RBM33: variants seen among roughly 807,000 people sequenced by gnomAD.
The protein encoded by RBM33 is RNA binding motif protein 33, also known as RNA-binding protein 33.
RBM33 carries 28 observed loss-of-function variants against 132.6 expected under a neutral mutation model. The observed-to-expected ratio is 0.21, with a 90% CI of 0.16 to 0.29. The LOEUF (loss-of-function observed/expected upper bound fraction) is 0.29, where lower values mean the gene tolerates loss of function less well. Ranked by LOEUF, RBM33 falls within the 10% of genes least tolerant of loss-of-function variation. The probability of loss-of-function intolerance (pLI) is 1.00; values close to 1 mark genes in which losing one functional copy is unlikely to be tolerated. For synonymous variants in RBM33, 634 were observed against 593.0 expected, an observed-to-expected ratio of 1.07 and a Z score of -1.01; for missense variants, 1,291 against 1,518.5, an observed-to-expected ratio of 0.85 and a Z score of 2.49.
At chr7:155,716,314 C>CTTTTTTTTTT (rs1563157893) in intron 8 of RBM33, among the ~76,000 whole-genome samples, 1 of 43,586 alleles carries the variant, frequency 2.3e-5, no homozygotes, top group African/African-American at 1.4e-4. Context: ...TCCTTTTCTG[C>CTTTTTTTTTT]TGTTTTTTTT....
In RBM33 at chr7:155,745,371, C is replaced by G; in HGVS notation, c.2748C>G (p.Thr916=). The G allele has an allele frequency of 6.2e-7, 1 of 1,613,192 alleles. No individual in the cohort carries two copies. Among genetic ancestry groups the G allele is most frequent in the Non-Finnish European group, 8.5e-7 (1 of 1,179,530 alleles). The change falls in exon 14 of 18, where the codon ACC becomes ACG. Residue 916 remains threonine, a synonymous_variant. Transcript: ENST00000401878. This position sits in a 1 kb window ranked among gnomAD's most constrained non-coding sequence, Gnocchi z 4.1. ...QMKALKHLRQ[T]RTVPQSQTQP... is the part of the protein sequence containing the mutation. ...AAGCACTGAAACATTTGAGACAGAC[C>G]AGAACAGTTCCTCAAAGTCAGACTC... is the stretch of plus-strand genomic sequence containing the variant.
chr7:155,702,102 CAG>C (rs1799982583), intron 6 of RBM33, among the ~76,000 whole-genome samples: 1 of 152,216 alleles, frequency 6.6e-6, no homozygotes, highest in African/African-American at 2.4e-5. Context: ...CAGGAGGACA[CAG>C]GGGCTCTGCC....
intron 8 of RBM33, among the ~76,000 whole-genome samples, chr7:155,712,925 G>T (rs1430559640): frequency 3.3e-5 from 5 of 152,234 alleles, no homozygotes; most frequent in Non-Finnish European, 5.9e-5. Context: ...TTGCTGCCGT[G>T]TTGAGAGGAG....
intron 2 of RBM33, among the ~76,000 whole-genome samples, chr7:155,670,018 CT>C (rs1286134959): frequency 6.6e-6 from 1 of 152,220 alleles, no homozygotes; most frequent in East Asian, 1.9e-4. Context: ...GACCCAGAGA[CT>C]ACAGCCCCAC....
intron 1 of RBM33, among the ~76,000 whole-genome samples, chr7:155,648,298 A>G (rs1798257662): frequency 6.6e-6 from 1 of 152,234 alleles, no homozygotes; most frequent in African/African-American, 2.4e-5. Context: ...GACTTTAGAT[A>G]CTAAACCAGT....
At chr7:155,680,339 G>A (rs566975764) in intron 4 of RBM33, among the ~76,000 whole-genome samples, 6 of 152,232 alleles carry the variant, frequency 3.9e-5, no homozygotes, top group Non-Finnish European at 7.4e-5. Context: ...TAAGTAGAGG[G>A]GCTATATGCA....
intron 5 of RBM33, among the ~76,000 whole-genome samples, chr7:155,696,514 C>T (rs1466879322): frequency 6.6e-6 from 1 of 152,116 alleles, no homozygotes; most frequent in African/African-American, 2.4e-5. Context: ...ATGTTTATTT[C>T]ATCATTAAGT....
intron 12 of RBM33, among the ~76,000 whole-genome samples, chr7:155,740,471 G>A (rs954022543): frequency 1.3e-5 from 2 of 152,194 alleles, no homozygotes; most frequent in Non-Finnish European, 2.9e-5. Flanking sequence ...TCTGTTGCCA[G>A]GTGCTACTCT....
rs11979122 is a variant in RBM33 at position 155,739,812 on chromosome 7, C to A, written c.1835C>A (p.Pro612Gln). 2 of 1,343,050 alleles carry A rather than the reference C, an allele frequency of 1.5e-6. No homozygotes were observed. Among genetic ancestry groups the A allele is most frequent in the Non-Finnish European group, 2.1e-6 (2 of 974,338 alleles). The allele number at this position is 1,343,050 out of a possible 1,614,324, so 83.2% of individuals were successfully genotyped here. Residue 612 changes from proline to glutamine, a missense_variant, in exon 12 of 18, where the codon CCG (proline) becomes CAG (glutamine). Coordinates refer to ENST00000401878, the MANE Select transcript of RBM33 (RefSeq NM_053043.3). ...CAGCACCAGCCTCCGCACCAGCCCCCGCACCAGCCCCCGCCCCAGCACCAG... is the reference window on the plus strand; with the variant it reads ...CAGCACCAGCCTCCGCACCAGCCCCAGCACCAGCCCCCGCCCCAGCACCAG... Reference protein sequence around the residue: ...PPQHQPPHQPPHQPPPQHQPP... With the variant: ...PPQHQPPHQPQHQPPPQHQPP...
rs576874504 is a variant in RBM33, at chr7:155,708,736, C to T, written c.948+1668C>T. On this transcript the variant is annotated intron_variant, in intron 7 of 17. Transcript: ENST00000401878. ...GACACAGCTTTGTAAGCAATAGTCTCGTCTTTGCTAATCAGTGATGAGATC... is the reference window on the plus strand; with the variant it reads ...GACACAGCTTTGTAAGCAATAGTCTTGTCTTTGCTAATCAGTGATGAGATC... Among the ~76,000 whole-genome samples, 6 of 152,238 alleles carry T rather than the reference C, an allele frequency of 3.9e-5. No individual in the cohort carries two copies. The East Asian group carries it at 5.8e-4, about 15-fold the overall frequency.
At position 155,749,170 on chromosome 7, in the gene RBM33, G is replaced by C. The variant is rs114908292; in HGVS notation, c.2979+3568G>C. On this transcript the variant is annotated intron_variant, in intron 14 of 17. Transcript: ENST00000401878. ...TGCAAGTGGGGTTAGTAAGTCTGCT[G>C]TGAGGCATCAGTAAATGAAAGCTTC... Among the ~76,000 whole-genome samples, 858 of 152,298 alleles carry C rather than the reference G, an allele frequency of 5.6e-3. 3 individuals are homozygous for C. The highest frequency in any genetic ancestry group is 0.019 in the African/African-American group (804 of 41,558).
chr7:155,672,799 C>A, intron 2 of RBM33, 68 bp from the exon 3 acceptor site: 1 of 1,108,856 alleles, frequency 9.0e-7, no homozygotes, highest in Non-Finnish European at 1.3e-6. Flanking sequence ...GGTAAATTTC[C>A]AAGTGATCTA....
chr7:155,685,029 C>T (rs1340879774), intron 5 of RBM33: 5 of 1,550,124 alleles, frequency 3.2e-6, no homozygotes, highest in African/African-American at 1.4e-5. Flanking sequence ...TACTGATGCC[C>T]AGGTTGCTCC....
chr7:155,656,588 G>GAA (rs570280584), intron 1 of RBM33, among the ~76,000 whole-genome samples: 1 of 148,242 alleles, frequency 6.7e-6, no homozygotes, highest in Non-Finnish European at 1.5e-5. Flanking sequence ...TCCATCTCAG[G>GAA]AAAAAAAAAA....
intron 5 of RBM33, among the ~76,000 whole-genome samples, chr7:155,683,868 A>T (rs1799401973): frequency 6.6e-6 from 1 of 152,190 alleles, no homozygotes; most frequent in African/African-American, 2.4e-5. Context: ...ATTTTATGTC[A>T]TGGGTAGCAG....
At position 155,781,322 on chromosome 7, in the gene RBM33, G is replaced by C. The variant is rs774356918; in HGVS notation, c.*6281G>C. ...TGTTCACTTCGCGTTAACTGCTGTGGTAACTTTTTCAGGATCTGTGTGAAG... is the reference window on the plus strand; with the variant it reads ...TGTTCACTTCGCGTTAACTGCTGTGCTAACTTTTTCAGGATCTGTGTGAAG... On this transcript the variant is annotated 3_prime_UTR_variant, in exon 18 of 18. Transcript: ENST00000401878. 1 of 152,260 alleles carries C rather than the reference G, an allele frequency of 6.6e-6. No homozygotes were observed. The highest frequency in any genetic ancestry group is 2.1e-4 in the South Asian group (1 of 4,834). The allele number at this position is 152,260 out of a possible 1,614,324, so 9.4% of individuals were successfully genotyped here.
chr7:155,772,853 G>T (rs1802475676), intron 16 of RBM33, among the ~76,000 whole-genome samples: 1 of 152,214 alleles, frequency 6.6e-6, no homozygotes, highest in South Asian at 2.1e-4. Flanking sequence ...GTATTTCTGT[G>T]TAAACGCTGT....
chr7:155,661,146 A>ATTTTTTTTTT lies in RBM33; in HGVS notation c.44-4025_44-4016dup, dbSNP rs3080619. The stretch of plus-strand genomic sequence containing the variant: ...TGTGTGTGTGTATATATATATATAT[A>ATTTTTTTTTT]TTTTTTTTTTTTTGAGACAGAGTCT... On this transcript the variant is annotated intron_variant, in intron 1 of 17. Coordinates refer to ENST00000401878, the MANE Select transcript of RBM33 (RefSeq NM_053043.3). Among the ~76,000 whole-genome samples the ATTTTTTTTTT allele has an allele frequency of 4.9e-5, 4 of 81,182 alleles. 1 individual carries two copies. The highest frequency in any genetic ancestry group is 1.0e-4 in the Non-Finnish European group (4 of 39,096). The allele number at this position is 81,182 out of a possible 152,430, so 53.3% of individuals were successfully genotyped here.
intron 4 of RBM33, among the ~76,000 whole-genome samples, chr7:155,679,417 T>G (rs1001939429): frequency 5.3e-5 from 8 of 152,204 alleles, no homozygotes; most frequent in African/African-American, 1.9e-4. Flanking sequence ...TTGGGCACTT[T>G]GGGAGGTGCT....
Sources: gnomAD v4.1 joint callset for allele counts (sites outside exome capture counted in the v4.1 genomes callset) on GRCh38, gnomAD v4.1.1 for gene constraint, Gnocchi (gnomAD v3.1) non-coding constraint, MANE v1.5 for transcripts, NCBI Gene and HGNC (gene_info 2026-07-23, HGNC 2026-07-21) for gene names.